Variants in NFIA observed in about 807,000 individuals in gnomAD.
NFIA encodes the protein nuclear factor I A.
In NFIA, 8 loss-of-function variants were observed where a neutral mutation model predicts 62.8. The ratio of observed to expected loss-of-function variants is 0.13; its 90% CI spans 0.07 to 0.23. The LOEUF is 0.23. Among genes scored for constraint, NFIA ranks in the 10% least tolerant of loss-of-function variants. The pLI is 1.00. For synonymous variants in NFIA, 235 were observed against 238.1 expected, an observed-to-expected ratio of 0.99 and a Z score of 0.12; for missense variants, 410 against 642.1, an observed-to-expected ratio of 0.64 and a Z score of 3.91.
intron 9 of NFIA, among the ~76,000 whole-genome samples, chr1:61,410,943 G>A (rs1232786837): frequency 6.6e-6 from 1 of 151,760 alleles, no homozygotes; most frequent in East Asian, 1.9e-4. Flanking sequence ...AATAAAAGTA[G>A]GAAAATATGC....
chr1:61,102,459 T>C (rs1646527672), intron 2 of NFIA, among the ~76,000 whole-genome samples: 1 of 152,196 alleles, frequency 6.6e-6, no homozygotes, highest in African/African-American at 2.4e-5. Flanking sequence ...AAAATCTCTC[T>C]GTTTTTGCTA....
chr1:61,346,228 A>G (rs1173442472), intron 4 of NFIA, among the ~76,000 whole-genome samples: 2 of 152,232 alleles, frequency 1.3e-5, no homozygotes, highest in African/African-American at 4.8e-5. Flanking sequence ...TGGAACAGAA[A>G]GGCAGTGCTG....
intron 2 of NFIA, among the ~76,000 whole-genome samples, chr1:61,258,036 A>G (rs926130656): frequency 6.6e-6 from 1 of 152,022 alleles, no homozygotes; most frequent in Admixed American, 6.6e-5. Flanking sequence ...TTTATCATGT[A>G]TACTATGTGC....
At chr1:61,225,994 G>A (rs1210439010) in intron 2 of NFIA, among the ~76,000 whole-genome samples, 3 of 152,172 alleles carry the variant, frequency 2.0e-5, no homozygotes, top group Admixed American at 6.5e-5. Flanking sequence ...AGTAATGCAT[G>A]TAATCTAATT....
chr1:61,359,101 A>G (rs915093155), intron 5 of NFIA, 46 bp from the exon 6 acceptor site: 1 of 1,603,220 alleles, frequency 6.2e-7, no homozygotes, highest in Non-Finnish European at 8.5e-7. Context: ...TCCAAGAGAA[A>G]GGTGGTTGCG....
intron 2 of NFIA, among the ~76,000 whole-genome samples, chr1:61,186,167 G>T (rs568624952): frequency 6.6e-6 from 1 of 152,044 alleles, no homozygotes; most frequent in East Asian, 1.9e-4. Context: ...ATTGAGAGTC[G>T]GTGGAGCACA....
chr1:61,200,996 G>A (rs1652442501), intron 2 of NFIA, among the ~76,000 whole-genome samples: 1 of 152,076 alleles, frequency 6.6e-6, no homozygotes. Flanking sequence ...TTATTCTGTA[G>A]GGTTGCTGAA....
intron 2 of NFIA, among the ~76,000 whole-genome samples, chr1:61,142,324 T>G (rs1288197685): frequency 1.3e-5 from 2 of 152,184 alleles, no homozygotes; most frequent in African/African-American, 2.4e-5. Context: ...AAATAGACAA[T>G]TCTGCCTTCT....
intron 2 of NFIA, among the ~76,000 whole-genome samples, chr1:61,274,623 G>A (rs544995679): frequency 6.6e-6 from 1 of 152,304 alleles, no homozygotes; most frequent in Admixed American, 6.5e-5. Context: ...CGTGATATTT[G>A]TCCGAAAGAG....
intron 2 of NFIA, among the ~76,000 whole-genome samples, chr1:61,239,136 G>A (rs1349440714): frequency 6.6e-6 from 1 of 152,018 alleles, no homozygotes; most frequent in Non-Finnish European, 1.5e-5. Flanking sequence ...CGTTCCTTTT[G>A]CATAACTTGG....
chr1:61,140,623 C>T (rs1165794329), intron 2 of NFIA, among the ~76,000 whole-genome samples: 1 of 151,892 alleles, frequency 6.6e-6, no homozygotes, highest in African/African-American at 2.4e-5. Context: ...ATAAAAGGGG[C>T]AAGAACATTT....
intron 3 of NFIA, among the ~76,000 whole-genome samples, chr1:61,282,412 A>G (rs1211825540): frequency 1.3e-5 from 2 of 152,062 alleles, no homozygotes; most frequent in Non-Finnish European, 2.9e-5. Context: ...ACTTTTGTGA[A>G]CTCCCATGAC....
chr1:61,122,021 T>A (rs929158928), intron 2 of NFIA, among the ~76,000 whole-genome samples: 2 of 152,194 alleles, frequency 1.3e-5, no homozygotes, highest in Non-Finnish European at 2.9e-5. Flanking sequence ...GTTATAGTTA[T>A]AAGGGACCAT....
chr1:61,091,194 T>C (rs1275136703), intron 2 of NFIA, among the ~76,000 whole-genome samples: 1 of 152,312 alleles, frequency 6.6e-6, no homozygotes, highest in Non-Finnish European at 1.5e-5. Context: ...TGCCTTTTTT[T>C]CCCCCTAGAT....
intron 2 of NFIA, among the ~76,000 whole-genome samples, chr1:61,199,940 A>T (rs1652304582): frequency 6.7e-6 from 1 of 148,494 alleles, no homozygotes; most frequent in Admixed American, 6.8e-5. Context: ...GGCTGCAGTT[A>T]GCTGAAATTG....
intron 2 of NFIA, among the ~76,000 whole-genome samples, chr1:61,109,217 A>G (rs1286480755): frequency 6.6e-6 from 1 of 151,948 alleles, no homozygotes; most frequent in Non-Finnish European, 1.5e-5. Flanking sequence ...TTAAGAGTAG[A>G]AAGCTATTAA....
intron 4 of NFIA, among the ~76,000 whole-genome samples, chr1:61,340,152 T>C (rs1324873626): frequency 6.6e-6 from 1 of 152,204 alleles, no homozygotes; most frequent in Non-Finnish European, 1.5e-5. Context: ...CTGATAAATT[T>C]ACCAGACTAT....
At chr1:61,205,467 C>T (rs780719530) in intron 2 of NFIA, among the ~76,000 whole-genome samples, 24 of 152,272 alleles carry the variant, frequency 1.6e-4, no homozygotes, top group Non-Finnish European at 2.8e-4. Flanking sequence ...CTTCTAGAAT[C>T]GAGCAAATCT....
rs190772969 is a variant in NFIA at position 61,122,212 on chromosome 1, T to C, written c.559+33532T>C. ...GGAACATACTGTATCATAGTTTCTT[T>C]TTATTTGTCTGGATGCTTGTGTATG... On this transcript the variant is annotated intron_variant, in intron 2 of 10. Transcript: ENST00000403491. 1.1e-3 allele frequency among the ~76,000 whole-genome samples: 164 copies of C among 152,346 alleles called. 1 individual carries two copies. The highest frequency in any genetic ancestry group is 3.8e-3 in the African/African-American group (159 of 41,566).
Sources: gnomAD v4.1 joint callset for allele counts (sites outside exome capture counted in the v4.1 genomes callset) on GRCh38, gnomAD v4.1.1 for gene constraint, MANE v1.5 for transcripts, NCBI Gene and HGNC (gene_info 2026-07-23, HGNC 2026-07-21) for gene names.